The following GPM6A variants were observed in gnomAD, a reference collection of about 807,000 sequenced individuals.
The protein encoded by GPM6A is neuronal membrane glycoprotein M6-a.
Under a neutral mutation model 32.1 loss-of-function variants are expected in GPM6A, and 7 were observed. That is an observed-to-expected ratio of 0.22 (90% confidence interval 0.12 to 0.41). The LOEUF (loss-of-function observed/expected upper bound fraction) is 0.41, where lower values mean the gene tolerates loss of function less well. Ranked by LOEUF, GPM6A falls within the 10% of genes least tolerant of loss-of-function variation. The probability of loss-of-function intolerance (pLI) is 1.00; values close to 1 mark genes in which losing one functional copy is unlikely to be tolerated. For missense variants in GPM6A, 235 were observed against 347.2 expected (o/e 0.68, Z 2.57); for synonymous variants, 130 against 123.4 (o/e 1.05, Z -0.35).
At chr4:175,885,931 A>G (rs893751380) in intron 1 of GPM6A, among the ~76,000 whole-genome samples, 2 of 152,214 alleles carry the variant, frequency 1.3e-5, no homozygotes, top group African/African-American at 4.8e-5. Flanking sequence ...CACATAAGAA[A>G]TTTAAGGGAG....
intron 3 of GPM6A, among the ~76,000 whole-genome samples, chr4:175,672,349 T>A (rs560326386): frequency 7.9e-5 from 12 of 152,322 alleles, no homozygotes; most frequent in Admixed American, 7.2e-4. Flanking sequence ...CTGTGATCCA[T>A]AAAAGGTAAG....
intron 1 of GPM6A, among the ~76,000 whole-genome samples, chr4:175,753,135 T>G (rs1332161436): frequency 6.6e-6 from 1 of 152,184 alleles, no homozygotes; most frequent in East Asian, 1.9e-4. Flanking sequence ...ATCCCAGCGA[T>G]TTTCAACATC....
At position 175,907,077 on chromosome 4, in the gene GPM6A, AC is replaced by A. The variant is rs1198006078; in HGVS notation, c.-22-94829del. 5 of 152,158 alleles carry A rather than the reference AC, an allele frequency of 3.3e-5. No individual in the cohort carries two copies. The South Asian group carries it at 1.0e-3, about 31-fold the overall frequency. 9.4% of individuals were successfully genotyped at this position (152,158 alleles called of 1,614,324 possible). On this transcript the variant is annotated intron_variant, in intron 1 of 7. Transcript: ENST00000280187. Reference sequence around the variant, plus strand: ...ATTGCAGCTGACAAGCTCAGTGGGTACCTCAAGAATAATTTGGCTTCTCTGG... The same window carrying A: ...ATTGCAGCTGACAAGCTCAGTGGGTACTCAAGAATAATTTGGCTTCTCTGG...
chr4:175,919,712 C>G (rs951405672), intron 1 of GPM6A, among the ~76,000 whole-genome samples: 1 of 152,196 alleles, frequency 6.6e-6, no homozygotes, highest in Admixed American at 6.5e-5. Flanking sequence ...ACTGGACACA[C>G]TCCTAAATGG....
intron 2 of GPM6A, among the ~76,000 whole-genome samples, chr4:175,685,022 G>T (rs1020220550): frequency 3.9e-5 from 6 of 152,022 alleles, no homozygotes; most frequent in Admixed American, 1.3e-4. Context: ...CGAGTAGCTG[G>T]GACTACAGGG....
chr4:175,832,292 G>A (rs977830489), intron 1 of GPM6A, among the ~76,000 whole-genome samples: 1 of 152,108 alleles, frequency 6.6e-6, no homozygotes, highest in Non-Finnish European at 1.5e-5. Flanking sequence ...AAGTGTTTGA[G>A]ATTTAAACCT....
chr4:175,799,456 TAA>T (rs1477285429), intron 1 of GPM6A, among the ~76,000 whole-genome samples: 2 of 151,512 alleles, frequency 1.3e-5, no homozygotes, highest in African/African-American at 4.8e-5. Context: ...TCTAGGAATC[TAA>T]GAGTCAATTG....
intron 1 of GPM6A, among the ~76,000 whole-genome samples, chr4:175,922,956 C>G (rs1738714442): frequency 6.6e-6 from 1 of 151,984 alleles, no homozygotes; most frequent in African/African-American, 2.4e-5. Flanking sequence ...TACAATTGCC[C>G]TATAATTTAA....
intron 1 of GPM6A, among the ~76,000 whole-genome samples, chr4:175,994,125 T>A (rs1420485711): frequency 6.6e-6 from 1 of 152,026 alleles, no homozygotes; most frequent in Non-Finnish European, 1.5e-5. Context: ...GAGAGATACA[T>A]AAATACAAAT....
intron 1 of GPM6A, among the ~76,000 whole-genome samples, chr4:175,889,360 CA>C (rs1273421824): frequency 6.6e-6 from 1 of 152,070 alleles, no homozygotes; most frequent in Admixed American, 6.6e-5. Context: ...CCTGCCACTA[CA>C]AAAAAATTTT....
chr4:175,730,023 T>C (rs1731349943), intron 1 of GPM6A, among the ~76,000 whole-genome samples: 1 of 150,868 alleles, frequency 6.6e-6, no homozygotes, highest in Non-Finnish European at 1.5e-5. Context: ...CTGCCTTTCA[T>C]GCATACCCAA....
intron 1 of GPM6A, among the ~76,000 whole-genome samples, chr4:175,894,056 A>G (rs1737723324): frequency 6.6e-6 from 1 of 152,018 alleles, no homozygotes; most frequent in African/African-American, 2.4e-5. Context: ...TATTTCAGAG[A>G]CCCCTTAACT....
At chr4:175,750,519 G>A (rs1220878838) in intron 1 of GPM6A, among the ~76,000 whole-genome samples, 1 of 151,920 alleles carries the variant, frequency 6.6e-6, no homozygotes, top group Admixed American at 6.6e-5. Flanking sequence ...TAACATGGAG[G>A]AGGTTATAAA....
intron 1 of GPM6A, among the ~76,000 whole-genome samples, chr4:175,979,636 A>G (rs554645171): frequency 9.2e-5 from 14 of 152,266 alleles, no homozygotes; most frequent in Non-Finnish European, 1.9e-4. Flanking sequence ...TTATATGGAG[A>G]GCTCCTGAGT....
chr4:175,906,184 A>G (rs1426021581), intron 1 of GPM6A, among the ~76,000 whole-genome samples: 1 of 152,168 alleles, frequency 6.6e-6, no homozygotes, highest in African/African-American at 2.4e-5. Flanking sequence ...CATCAGTGAC[A>G]ACAAGCCTAA....
At chr4:175,968,254 T>C (rs1740391450) in intron 1 of GPM6A, among the ~76,000 whole-genome samples, 1 of 151,926 alleles carries the variant, frequency 6.6e-6, no homozygotes, top group Non-Finnish European at 1.5e-5. Flanking sequence ...GGAGTTATTA[T>C]AGCTTTCACA....
At chr4:175,639,912 AT>A (rs1483438742) in intron 6 of GPM6A, among the ~76,000 whole-genome samples, 3 of 152,236 alleles carry the variant, frequency 2.0e-5, no homozygotes, top group South Asian at 4.1e-4. Flanking sequence ...ATGAATTACT[AT>A]TTTTGTTAAT....
intron 1 of GPM6A, among the ~76,000 whole-genome samples, chr4:175,727,609 C>T (rs1322051338): frequency 6.6e-6 from 1 of 152,152 alleles, no homozygotes; most frequent in Non-Finnish European, 1.5e-5. Context: ...ATTTGTGTCT[C>T]ATAGTTAACT....
At chr4:175,905,703 C>A (rs1738108502) in intron 1 of GPM6A, among the ~76,000 whole-genome samples, 1 of 152,026 alleles carries the variant, frequency 6.6e-6, no homozygotes, top group Non-Finnish European at 1.5e-5. Flanking sequence ...GGGTGGCATA[C>A]TCTGATCCCT....
Sources: allele counts gnomAD v4.1 joint callset (sites outside exome capture counted in the v4.1 genomes callset), GRCh38; gene constraint gnomAD v4.1.1; transcripts MANE v1.5; gene names NCBI Gene and HGNC (gene_info 2026-07-23, HGNC 2026-07-21).